Variants in ACTN4 observed in about 807,000 individuals in gnomAD.
ACTN4 encodes the protein actinin alpha 4, also known as alpha-actinin-4.
In ACTN4, 18 loss-of-function variants were observed where a neutral mutation model predicts 114.2. The ratio of observed to expected loss-of-function variants is 0.16; its 90% CI spans 0.11 to 0.23. The LOEUF (loss-of-function observed/expected upper bound fraction) is 0.23. Among genes scored for constraint, ACTN4 ranks in the 10% least tolerant of loss-of-function variants. ACTN4 has a pLI of 1.00. For missense variants in ACTN4, 722 were observed against 1,262.9 expected (o/e 0.57, Z 6.49); for synonymous variants, 515 against 506.3 (o/e 1.02, Z -0.23).
intron 1 of ACTN4, among the ~76,000 whole-genome samples, chr19:38,658,400 C>T (rs1381345280): frequency 2.0e-5 from 3 of 152,158 alleles, no homozygotes; most frequent in African/African-American, 7.2e-5. Flanking sequence ...AAATTTCCCA[C>T]AAATCCCAAG....
Position 38,717,492 on chromosome 19 carries a change from C to T in ACTN4, c.1143+176C>T, listed in dbSNP as rs1968882047. On this transcript the variant is annotated intron_variant, in intron 10 of 20. Coordinates refer to ENST00000252699, the MANE Select transcript of ACTN4 (RefSeq NM_004924.6). The surrounding 1 kb of genome is among the most constrained non-coding windows in gnomAD (Gnocchi z 4.0). ...GTGCACTTCACTCGGCATTGTGCTCCCCTTTGGCCCTCACTCACTGTATTT... is the reference window on the plus strand; with the variant it reads ...GTGCACTTCACTCGGCATTGTGCTCTCCTTTGGCCCTCACTCACTGTATTT... Among the ~76,000 whole-genome samples the T allele has an allele frequency of 6.6e-6, 1 of 152,140 alleles. No individual in the cohort carries two copies.
intron 11 of ACTN4, among the ~76,000 whole-genome samples, chr19:38,719,151 CA>C (rs1411381567): frequency 1.3e-5 from 2 of 152,192 alleles, no homozygotes; most frequent in Non-Finnish European, 2.9e-5. Flanking sequence ...TGGGTCATGC[CA>C]AGGTTGAGAT....
intron 1 of ACTN4, among the ~76,000 whole-genome samples, chr19:38,652,266 C>T (rs753844169): frequency 6.6e-6 from 1 of 152,246 alleles, no homozygotes; most frequent in South Asian, 2.1e-4. Context: ...GGCAAGTATA[C>T]TCTGTTTGCC....
At chr19:38,655,062 T>G (rs1229033803) in intron 1 of ACTN4, among the ~76,000 whole-genome samples, 12 of 152,174 alleles carry the variant, frequency 7.9e-5, no homozygotes, top group Admixed American at 7.9e-4. Flanking sequence ...GCTTATCCCC[T>G]TCCTTCGTAA....
Position 38,731,058 on chromosome 19 carries a change from T to G in ACTN4, c.*1626T>G. ...GAGGGGCAGGGTGAGTGCCCACCAG[T>G]CCCCGTACCCCTTCCCCCCATGCCC... On this transcript the variant is annotated 3_prime_UTR_variant, in exon 21 of 21. Coordinates refer to ENST00000252699, the MANE Select transcript of ACTN4 (RefSeq NM_004924.6). 6.4e-7 allele frequency: 1 copy of G among 1,561,488 alleles called. No individual in the cohort carries two copies. Among genetic ancestry groups the G allele is most frequent in the Non-Finnish European group, 8.7e-7 (1 of 1,153,948 alleles).
intron 12 of ACTN4, among the ~76,000 whole-genome samples, chr19:38,722,534 C>T (rs1449657419): frequency 2.0e-5 from 3 of 152,258 alleles, no homozygotes; most frequent in East Asian, 1.9e-4. Flanking sequence ...GTTTCCTCCC[C>T]GACTCACTAC....
chr19:38,728,250 A>T (rs996400871), intron 19 of ACTN4: 14 of 1,502,902 alleles, frequency 9.3e-6, no homozygotes, highest in Non-Finnish European at 1.3e-5. Context: ...TGCTGTGCAC[A>T]TGGGGCGGCC....
At chr19:38,656,714 T>G (rs2144834146) in intron 1 of ACTN4, among the ~76,000 whole-genome samples, 1 of 152,338 alleles carries the variant, frequency 6.6e-6, no homozygotes, top group Middle Eastern at 3.4e-3. Flanking sequence ...TACAATAGCA[T>G]TTGTGTCTTC....
chr19:38,721,718 C>T (rs1243629964), intron 12 of ACTN4, 30 bp downstream of exon 12: 1 of 1,608,610 alleles, frequency 6.2e-7, no homozygotes, highest in Non-Finnish European at 8.5e-7. Context: ...ACTATCATCA[C>T]CTGGCTCTCA....
intron 1 of ACTN4, chr19:38,683,906 G>C (rs1967656408): frequency 6.6e-6 from 1 of 152,350 alleles, no homozygotes; most frequent in African/African-American, 2.4e-5. Context: ...CTGCACTGTG[G>C]CTGCTGGAAT....
intron 3 of ACTN4, among the ~76,000 whole-genome samples, chr19:38,702,037 T>G (rs1010032246): frequency 6.6e-6 from 1 of 152,174 alleles, no homozygotes; most frequent in African/African-American, 2.4e-5. Flanking sequence ...TGGTGTTTGT[T>G]TAAAAAAATC....
At chr19:38,668,558 C>T (rs1312811540) in intron 1 of ACTN4, among the ~76,000 whole-genome samples, 3 of 152,142 alleles carry the variant, frequency 2.0e-5, no homozygotes, top group South Asian at 2.1e-4. Flanking sequence ...TGGTGGTGCG[C>T]GCCTGTAGTC....
chr19:38,659,043 C>G (rs1298699123), intron 1 of ACTN4, among the ~76,000 whole-genome samples: 4 of 125,906 alleles, frequency 3.2e-5, no homozygotes, highest in Non-Finnish European at 7.0e-5. Flanking sequence ...CCCTTTGTAA[C>G]TTTTTTTTCT....
Position 38,721,589 on chromosome 19 carries a change from A to C in ACTN4, c.1343A>C (p.Asp448Ala), listed in dbSNP as rs775858826. 2.5e-6 allele frequency: 4 copies of C among 1,613,974 alleles called. No homozygotes were observed. The highest frequency in any genetic ancestry group is 2.5e-6 in the Non-Finnish European group (3 of 1,180,032). The stretch of plus-strand genomic sequence containing the variant: ...GACTACGAGACGGCCACACTATCGG[A>C]CATCAAAGCCCTCATTCGCAAGCAC... ...HRDYETATLS[D>A]IKALIRKHEA... The change falls in exon 12 of 21, where the codon GAC becomes GCC. Residue 448 changes from aspartate (D) to alanine (A), a missense_variant. Physicochemically the swap from Asp to Ala is moderately radical, Grantham distance 126 (BLOSUM62 -2). Transcript: ENST00000252699.
At chr19:38,710,193 C>CAGTG in intron 7 of ACTN4, 64 bp from the exon 8 acceptor site, 1 of 1,565,964 alleles carries the variant, frequency 6.4e-7, no homozygotes, top group Non-Finnish European at 8.8e-7. Context: ...CCGTGGATCC[C>CAGTG]AGTGAGTGAC....
intron 1 of ACTN4, among the ~76,000 whole-genome samples, chr19:38,670,138 A>T (rs371819097): frequency 6.6e-6 from 1 of 152,072 alleles, no homozygotes; most frequent in Non-Finnish European, 1.5e-5. Context: ...CACCATTCAG[A>T]TAGGGTGGCT....
chr19:38,673,329 T>C (rs34083318), intron 1 of ACTN4, among the ~76,000 whole-genome samples: 8,794 of 150,512 alleles, frequency 0.058, 278 homozygotes, highest in South Asian at 0.11. Flanking sequence ...GAATAGTCCT[T>C]CTTCTTGTCC....
Position 38,731,355 on chromosome 19 carries a change from G to A in ACTN4, c.*1923G>A. ...ACCCCAACTCTGCCCCATCCCGGCA[G>A]GGTGAGTACAGGCTGATCCCTTCAA... On this transcript the variant is annotated 3_prime_UTR_variant, in exon 21 of 21. Transcript: ENST00000252699. 1 of 704,194 alleles carries A rather than the reference G, an allele frequency of 1.4e-6. No individual in the cohort carries two copies. The allele number at this position is 704,194 out of a possible 1,614,324, so 43.6% of individuals were successfully genotyped here. A position where few individuals can be genotyped will look rare whatever the true frequency, so the allele number is the denominator to read the frequency against.
chr19:38,698,394 T>G (rs867342539), intron 1 of ACTN4, among the ~76,000 whole-genome samples: 1 of 152,046 alleles, frequency 6.6e-6, no homozygotes, highest in Non-Finnish European at 1.5e-5. Flanking sequence ...TGGGGGAGGC[T>G]GGGAAGGTGA....
Sources: gnomAD v4.1 joint callset for allele counts (sites outside exome capture counted in the v4.1 genomes callset) on GRCh38, gnomAD v4.1.1 for gene constraint, Gnocchi (gnomAD v3.1) non-coding constraint, MANE v1.5 for transcripts, NCBI Gene and HGNC (gene_info 2026-07-23, HGNC 2026-07-21) for gene names.